The following ASTE1 variants were observed in gnomAD, a reference collection of about 807,000 sequenced individuals.
ASTE1 encodes asteroid structure-specific endonuclease 1.
Under a neutral mutation model 45.8 loss-of-function variants are expected in ASTE1, and 49 were observed. The observed-to-expected ratio is 1.07, with a 90% CI of 0.85 to 1.36. ASTE1 has a LOEUF of 1.36. Ranked by LOEUF, ASTE1 falls within the 40% of genes most tolerant of loss-of-function variation. The probability of loss-of-function intolerance (pLI) is 0.00; values close to 1 mark genes in which losing one functional copy is unlikely to be tolerated. For missense variants in ASTE1, 709 were observed against 804.0 expected, an observed-to-expected ratio of 0.88 and a Z score of 1.43; for synonymous variants, 296 against 303.9, an observed-to-expected ratio of 0.97 and a Z score of 0.27.
At chr3:131,022,586 G>A (rs1212027742) in intron 3 of ASTE1, among the ~76,000 whole-genome samples, 2 of 151,786 alleles carry the variant, frequency 1.3e-5, no homozygotes, top group African/African-American at 4.8e-5. Flanking sequence ...GCCTTCCAAA[G>A]TGCTGGGCTT....
chr3:131,016,395 C>A, intron 4 of ASTE1, 56 bp from the exon 5 acceptor site: 1 of 1,562,710 alleles, frequency 6.4e-7, no homozygotes, highest in Non-Finnish European at 8.8e-7. Flanking sequence ...AACAGCTTTT[C>A]ATTTTCTCCA....
intron 3 of ASTE1, among the ~76,000 whole-genome samples, chr3:131,020,943 A>G (rs541039292): frequency 3.3e-5 from 5 of 151,344 alleles, no homozygotes; most frequent in African/African-American, 9.6e-5. Context: ...ATGTGGGGGG[A>G]AAAGGTATCC....
rs1422492115 is a variant in ASTE1, at chr3:131,025,007, G to A, written c.300C>T (p.Ile100=). 10 of 1,598,978 alleles carry A rather than the reference G, an allele frequency of 6.3e-6. No individual in the cohort carries two copies. Among genetic ancestry groups the A allele is most frequent in the Non-Finnish European group, 8.5e-6 (10 of 1,172,144 alleles). ...TTLKDRAREK[I]QMAHSLSVGG... ...CAACAGAAAGGGAATGGGCCATCTGGATCTTCTCTCTAGCTCTATCCTTTA... is the reference window on the plus strand; with the variant it reads ...CAACAGAAAGGGAATGGGCCATCTGAATCTTCTCTCTAGCTCTATCCTTTA... Residue 100 remains isoleucine, a synonymous_variant, in exon 3 of 6, where the codon ATC becomes ATT. Coordinates refer to ENST00000264992, the MANE Select transcript of ASTE1 (RefSeq NM_014065.4).
Position 131,025,148 on chromosome 3 carries a change from A to G in ASTE1, c.159T>C (p.Tyr53=). Residue 53 remains tyrosine, a synonymous_variant, in exon 3 of 6, where the codon TAT becomes TAC. Transcript: ENST00000264992. ...SNLDLRYGGD[Y]DSFADVVQKF... Reference sequence around the variant, plus strand: ...TTTGTACAACATCTGCAAAAGAATCATAGTCCCCTCCATACCGGAGATCCA... The same window carrying G: ...TTTGTACAACATCTGCAAAAGAATCGTAGTCCCCTCCATACCGGAGATCCA... 1 of 1,614,250 alleles carries G rather than the reference A, an allele frequency of 6.2e-7. No homozygotes were observed. The highest frequency in any genetic ancestry group is 8.5e-7 in the Non-Finnish European group (1 of 1,180,046).
chr3:131,020,198 ATC>A (rs2063723987), intron 3 of ASTE1, among the ~76,000 whole-genome samples: 1 of 152,336 alleles, frequency 6.6e-6, no homozygotes, highest in South Asian at 2.1e-4. Flanking sequence ...TGTCTGACTT[ATC>A]TGTAAAATGG....
chr3:131,020,494 T>G (rs1038021759), intron 3 of ASTE1, among the ~76,000 whole-genome samples: 2 of 152,226 alleles, frequency 1.3e-5, no homozygotes, highest in Non-Finnish European at 2.9e-5. Context: ...TTAACTTGAA[T>G]GGTGCTCTGT....
At position 131,024,670 on chromosome 3, in the gene ASTE1, C is replaced by G; in HGVS notation, c.637G>C (p.Ala213Pro). ...AGCACCGCAAAGAGAGGTAGTAGAGCTTTATTCATATTGCTGAAGTGATGG... is the reference window on the plus strand; with the variant it reads ...AGCACCGCAAAGAGAGGTAGTAGAGGTTTATTCATATTGCTGAAGTGATGG... ...FCHHFSNMNKALLPLFAVLCG... is the reference protein window; with the variant it reads ...FCHHFSNMNKPLLPLFAVLCG... The change falls in exon 3 of 6, where the codon GCT becomes CCT. Residue 213 changes from alanine (A) to proline (P), a missense_variant. Ala to Pro is a conservative substitution (Grantham distance 27). Coordinates refer to ENST00000264992, the MANE Select transcript of ASTE1 (RefSeq NM_014065.4). 4.4e-6 allele frequency: 7 copies of G among 1,593,316 alleles called. No individual in the cohort carries two copies. The highest frequency in any genetic ancestry group is 6.0e-6 in the Non-Finnish European group (7 of 1,170,096).
intron 3 of ASTE1, 111 bp from the exon 4 acceptor site, chr3:131,018,827 T>A: frequency 9.5e-7 from 1 of 1,049,976 alleles, no homozygotes; most frequent in Non-Finnish European, 1.4e-6. Flanking sequence ...TGTCAGCTGT[T>A]AAACTTATCT....
At chr3:131,022,964 C>T (rs545731596) in intron 3 of ASTE1, among the ~76,000 whole-genome samples, 1 of 152,236 alleles carries the variant, frequency 6.6e-6, no homozygotes, top group African/African-American at 2.4e-5. Context: ...CATCTTTGGC[C>T]TCTCCCCACT....
At chr3:131,016,451 T>G in intron 4 of ASTE1, 112 bp from the exon 5 acceptor site, 1 of 1,214,356 alleles carries the variant, frequency 8.2e-7, no homozygotes, top group East Asian at 2.5e-5. Context: ...TTAAAAAAAC[T>G]AAGATGTTTT....
intron 5 of ASTE1, among the ~76,000 whole-genome samples, chr3:131,015,736 G>A (rs1384648613): frequency 6.6e-6 from 1 of 152,060 alleles, no homozygotes; most frequent in Non-Finnish European, 1.5e-5. Context: ...AAAAAATAGA[G>A]TAACAGGACT....
chr3:131,023,680 G>A (rs1040232944), intron 3 of ASTE1, among the ~76,000 whole-genome samples: 5 of 151,148 alleles, frequency 3.3e-5, no homozygotes, highest in South Asian at 2.1e-4. Flanking sequence ...TTTCAGCCAC[G>A]TAACCCATTC....
chr3:131,024,012 A>C lies in ASTE1; in HGVS notation c.1295T>G (p.Leu432Trp), dbSNP rs763428672. Residue 432 changes from leucine to tryptophan, a missense_variant, in exon 3 of 6, where the codon TTG becomes TGG. Transcript: ENST00000264992. ...LAKDHSDLSR[L>W]TELSLRRRQM... ...AGTATTACAAATACTTACCTCAGTC[A>C]ATCTGCTTAAGTCAGAATGATCCTT... 1 of 1,587,064 alleles carries C rather than the reference A, an allele frequency of 6.3e-7. No individual in the cohort carries two copies. The highest frequency in any genetic ancestry group is 8.6e-7 in the Non-Finnish European group (1 of 1,164,830).
intron 4 of ASTE1, 70 bp downstream of exon 4, chr3:131,018,436 T>C: frequency 6.9e-7 from 1 of 1,450,164 alleles, no homozygotes; most frequent in Non-Finnish European, 9.6e-7. Flanking sequence ...CTTTTTTGTT[T>C]GTGTAAACTC....
rs749535307 is a variant in ASTE1 at position 131,024,946 on chromosome 3, C to G, written c.361G>C (p.Glu121Gln). Residue 121 changes from glutamate to glutamine, a missense_variant, in exon 3 of 6, where the codon GAA becomes CAA. Transcript: ENST00000264992. ...TTGATCAAAACCTGTATGAATACTT[C>G]CCGGATGAGTAAGGGACATACGTAC... is the stretch of plus-strand genomic sequence containing the variant. ...SGYVCPLLIR[E>Q]VFIQVLIKLR... 28 of 1,612,606 alleles carry G rather than the reference C, an allele frequency of 1.7e-5. No homozygotes were observed. Among genetic ancestry groups the G allele is most frequent in the Non-Finnish European group, 2.2e-5 (26 of 1,179,270 alleles).
Position 131,024,913 on chromosome 3 carries a change from C to A in ASTE1, c.394G>T (p.Val132Leu). The A allele has an allele frequency of 6.2e-7, 1 of 1,614,038 alleles. No homozygotes were observed. Among genetic ancestry groups the A allele is most frequent in the Non-Finnish European group, 8.5e-7 (1 of 1,179,948 alleles). The change falls in exon 3 of 6, where the codon GTG (valine) becomes TTG (leucine). Residue 132 changes from valine (V) to leucine (L), a missense_variant. Val to Leu is a conservative substitution (Grantham distance 32). Transcript: ENST00000264992. ...VFIQVLIKLR[V>L]CFVQCFSEAD... ...TCTGAAAAGCACTGGACAAAACACA[C>A]CCGCAGCTTGATCAAAACCTGTATG...
At chr3:131,019,256 T>C (rs2063710107) in intron 3 of ASTE1, among the ~76,000 whole-genome samples, 1 of 151,912 alleles carries the variant, frequency 6.6e-6, no homozygotes, top group African/African-American at 2.4e-5. Flanking sequence ...TATACTCTAT[T>C]TGTTTGGGTC....
intron 4 of ASTE1, 157 bp from the exon 5 acceptor site, chr3:131,016,496 A>G: frequency 2.6e-6 from 2 of 779,746 alleles, no homozygotes; most frequent in Non-Finnish European, 4.0e-6. Flanking sequence ...TGCTGTATAA[A>G]TTGAAATATT....
At chr3:131,015,738 A>G (rs571551574) in intron 5 of ASTE1, among the ~76,000 whole-genome samples, 2 of 152,224 alleles carry the variant, frequency 1.3e-5, no homozygotes, top group Non-Finnish European at 2.9e-5. Context: ...AAAATAGAGT[A>G]ACAGGACTAG....
Sources: allele counts gnomAD v4.1 joint callset (sites outside exome capture counted in the v4.1 genomes callset), GRCh38; gene constraint gnomAD v4.1.1; transcripts MANE v1.5; gene names NCBI Gene and HGNC (gene_info 2026-07-23, HGNC 2026-07-21).